The following RFX4 variants were observed in gnomAD, a reference collection of about 807,000 sequenced individuals.
The protein encoded by RFX4 is regulatory factor X4.
In RFX4, 10 loss-of-function variants were observed where a neutral mutation model predicts 95.0. That is an observed-to-expected ratio of 0.11 (90% CI 0.06 to 0.18). RFX4 has a LOEUF of 0.18. Ranked by LOEUF, RFX4 falls within the 10% of genes least tolerant of loss-of-function variation. The pLI, the probability that RFX4 is intolerant of heterozygous loss-of-function variation, is 1.00. For synonymous variants in RFX4, 321 were observed against 340.7 expected, an observed-to-expected ratio of 0.94 and a Z score of 0.64; for missense variants, 640 against 922.0, an observed-to-expected ratio of 0.69 and a Z score of 3.96.
chr12:106,619,616 G>T (rs1482421077), intron 2 of RFX4, among the ~76,000 whole-genome samples: 1 of 152,128 alleles, frequency 6.6e-6, no homozygotes, highest in African/African-American at 2.4e-5. Flanking sequence ...TCTTGAATCT[G>T]TGTGTTGTCT....
intron 2 of RFX4, among the ~76,000 whole-genome samples, chr12:106,635,646 A>C (rs2040497285): frequency 6.6e-6 from 1 of 151,966 alleles, no homozygotes; most frequent in South Asian, 2.1e-4. Flanking sequence ...CTTTCCTTTC[A>C]ATTATTTGCT....
Position 106,753,728 on chromosome 12 carries a change from C to T in RFX4, c.1935+2935C>T, listed in dbSNP as rs553726162. Reference sequence around the variant, plus strand: ...CTCCTGTCCAAGCTCTCAGGCACCACCCCCTGCCGCCTCTCAGATGCAGGC... The same window carrying T: ...CTCCTGTCCAAGCTCTCAGGCACCATCCCCTGCCGCCTCTCAGATGCAGGC... On this transcript the variant is annotated intron_variant, in intron 17 of 17. Coordinates refer to ENST00000392842, the MANE Select transcript of RFX4 (RefSeq NM_213594.3). Among the ~76,000 whole-genome samples, 102 of 152,312 alleles carry T rather than the reference C, an allele frequency of 6.7e-4. No homozygotes were observed. The South Asian group carries it at 0.011, about 17-fold the overall frequency.
chr12:106,646,074 C>A, intron 3 of RFX4: 1 of 619,428 alleles, frequency 1.6e-6, no homozygotes, highest in Non-Finnish European at 2.5e-6. Flanking sequence ...AGCCATTTGA[C>A]GGGCAATTTT....
Position 106,761,517 on chromosome 12 carries a change from A to T in RFX4, c.*48A>T. ...TTAATATTAATAATAATAATTAATA[A>T]TAATAATAAACCCAACACCCATCCC... On this transcript the variant is annotated 3_prime_UTR_variant, in exon 18 of 18. Transcript: ENST00000392842. 8.0e-7 allele frequency: 1 copy of T among 1,250,786 alleles called. No homozygotes were observed. The highest frequency in any genetic ancestry group is 1.0e-6 in the Non-Finnish European group (1 of 976,920). The allele number at this position is 1,250,786 out of a possible 1,614,324, so 77.5% of individuals were successfully genotyped here.
Position 106,746,128 on chromosome 12 carries a change from C to T in RFX4, c.1634-1309C>T, listed in dbSNP as rs61678455. On this transcript the variant is annotated intron_variant, in intron 15 of 17. Coordinates refer to ENST00000392842, the MANE Select transcript of RFX4 (RefSeq NM_213594.3). Reference sequence around the variant, plus strand: ...ATCCCAGTACTTTGGGAGGCAAAGGCGGGTGGGTCACAAGGTTAGGAGTTC... The same window carrying T: ...ATCCCAGTACTTTGGGAGGCAAAGGTGGGTGGGTCACAAGGTTAGGAGTTC... Among the ~76,000 whole-genome samples the T allele has an allele frequency of 4.1e-3, 616 of 152,058 alleles. 5 individuals are homozygous for T. The East Asian group carries it at 0.049, about 12-fold the overall frequency.
chr12:106,676,647 A>T (rs4964184), intron 4 of RFX4, among the ~76,000 whole-genome samples: 59,976 of 151,946 alleles, frequency 0.39, 12,467 homozygotes, highest in African/African-American at 0.53. Flanking sequence ...TCTGCTGATG[A>T]CACCATCCCC....
intron 2 of RFX4, among the ~76,000 whole-genome samples, chr12:106,612,073 T>G (rs906339280): frequency 9.9e-5 from 15 of 152,210 alleles, no homozygotes; most frequent in African/African-American, 3.6e-4. Context: ...TTCAAGATTG[T>G]TTTGGCTATT....
intron 8 of RFX4, among the ~76,000 whole-genome samples, chr12:106,705,885 AC>A (rs1233498298): frequency 6.6e-6 from 1 of 152,186 alleles, no homozygotes; most frequent in African/African-American, 2.4e-5. Context: ...TACTGAGGAT[AC>A]AGTGATAAGC....
chr12:106,661,068 C>T (rs2041062420), intron 4 of RFX4, among the ~76,000 whole-genome samples: 1 of 152,108 alleles, frequency 6.6e-6, no homozygotes, highest in Non-Finnish European at 1.5e-5. Context: ...TGCTGTAGCC[C>T]ATGGAATTTC....
At chr12:106,732,008 T>C in intron 13 of RFX4, 122 bp from the exon 14 acceptor site, 3 of 1,393,570 alleles carry the variant, frequency 2.2e-6, no homozygotes, top group South Asian at 1.3e-5. Context: ...CATAATTGAG[T>C]GGAAAATTAG....
At chr12:106,677,463 C>T (rs545695148) in intron 4 of RFX4, among the ~76,000 whole-genome samples, 1 of 152,042 alleles carries the variant, frequency 6.6e-6, no homozygotes, top group African/African-American at 2.4e-5. Flanking sequence ...TCCTGAGGAG[C>T]CTGGATTTTT....
At chr12:106,609,552 G>A (rs2039912968) in intron 2 of RFX4, among the ~76,000 whole-genome samples, 1 of 152,174 alleles carries the variant, frequency 6.6e-6, no homozygotes, top group African/African-American at 2.4e-5. Context: ...CCTTCGTTCA[G>A]TTTTCTGAAA....
chr12:106,636,347 G>A (rs1326071240), intron 2 of RFX4, among the ~76,000 whole-genome samples: 4 of 147,984 alleles, frequency 2.7e-5, no homozygotes, highest in African/African-American at 1.0e-4. Flanking sequence ...CTGAGATCGT[G>A]CCATTGCACT....
At chr12:106,733,119 T>C (rs2042644724) in intron 15 of RFX4, 34 bp downstream of exon 15, 7 of 1,609,508 alleles carry the variant, frequency 4.3e-6, no homozygotes, top group Non-Finnish European at 5.1e-6. Context: ...TTTGGGTAGT[T>C]AATGTTTGAA....
chr12:106,676,055 G>A (rs147570872), intron 4 of RFX4, among the ~76,000 whole-genome samples: 5 of 152,322 alleles, frequency 3.3e-5, no homozygotes, highest in Admixed American at 2.6e-4. Flanking sequence ...CCTGGGATGC[G>A]TAGAGATGGG....
At chr12:106,593,580 G>T (rs1398552420) in intron 1 of RFX4, among the ~76,000 whole-genome samples, 1 of 152,150 alleles carries the variant, frequency 6.6e-6, no homozygotes, top group African/African-American at 2.4e-5. Flanking sequence ...TGCATTTTGT[G>T]AATAAAATGA....
chr12:106,711,173 T>C (rs1290835067), intron 9 of RFX4, among the ~76,000 whole-genome samples: 1 of 152,246 alleles, frequency 6.6e-6, no homozygotes, highest in East Asian at 1.9e-4. Flanking sequence ...TTACTCACGG[T>C]TGATTGACGC....
At chr12:106,593,558 T>G (rs759856177) in intron 1 of RFX4, among the ~76,000 whole-genome samples, 11 of 152,248 alleles carry the variant, frequency 7.2e-5, no homozygotes, top group Non-Finnish European at 1.3e-4. Context: ...CATCTAATTT[T>G]TGAGACACAA....
intron 3 of RFX4, among the ~76,000 whole-genome samples, chr12:106,641,967 C>CTATCTATATCTATCTATATCTATATCTA (rs2040635900): frequency 7.4e-6 from 1 of 134,994 alleles, no homozygotes; most frequent in Non-Finnish European, 1.6e-5. Flanking sequence ...ATATCTATAT[C>CTATCTATATCTATCTATATCTATATCTA]TATCTATATC....
Sources: allele counts gnomAD v4.1 joint callset (sites outside exome capture counted in the v4.1 genomes callset), GRCh38; gene constraint gnomAD v4.1.1; transcripts MANE v1.5; gene names NCBI Gene and HGNC (gene_info 2026-07-23, HGNC 2026-07-21).